KATNAL2: variants seen among roughly 807,000 people sequenced by gnomAD.
KATNAL2 encodes katanin p60 ATPase-containing subunit A-like 2.
In KATNAL2, 52 loss-of-function variants were observed where a neutral mutation model predicts 76.3. That is an observed-to-expected ratio of 0.68 (90% CI 0.55 to 0.86). KATNAL2 has a LOEUF of 0.86. Among genes scored for constraint, KATNAL2 ranks in the 40% least tolerant of loss-of-function variants. The pLI is 0.00. For synonymous variants in KATNAL2, 243 were observed against 244.2 expected (o/e 1.00, Z 0.05); for missense variants, 660 against 668.9 (o/e 0.99, Z 0.15).
At chr18:46,960,817 C>T (rs1024780838) in intron 3 of KATNAL2, among the ~76,000 whole-genome samples, 1 of 152,168 alleles carries the variant, frequency 6.6e-6, no homozygotes, top group Non-Finnish European at 1.5e-5. Flanking sequence ...TATGAAGAAA[C>T]TGATTTGCAA....
rs766530306 is a variant in KATNAL2 at position 47,058,341 on chromosome 18, C to A, written c.439C>A (p.His147Asn). ...GGACACCAAATCGCTCAATAAGGAG[C>A]ATCCTAATCAGGTCAGGATGGCTTG... The part of the protein sequence containing the change: ...TGDTKSLNKE[H>N]PNQEVVDNTR... The change falls in exon 7 of 18, where the codon CAT becomes AAT. Residue 147 changes from histidine to asparagine, a missense_variant. Transcript: ENST00000683218. The A allele has an allele frequency of 1.9e-6, 3 of 1,607,346 alleles. No individual in the cohort carries two copies. Among genetic ancestry groups the A allele is most frequent in the South Asian group, 2.2e-5 (2 of 90,924 alleles).
chr18:47,094,233 C>G (rs886862442), intron 15 of KATNAL2, among the ~76,000 whole-genome samples: 2 of 152,154 alleles, frequency 1.3e-5, no homozygotes, highest in Non-Finnish European at 2.9e-5. Flanking sequence ...AGACACCAAA[C>G]CTGCTGGTGC....
At chr18:47,031,429 G>A (rs1206239869) in intron 3 of KATNAL2, among the ~76,000 whole-genome samples, 1 of 151,588 alleles carries the variant, frequency 6.6e-6, no homozygotes, top group East Asian at 1.9e-4. Context: ...CTTTCTTTTT[G>A]TGTGTGTTGT....
intron 8 of KATNAL2, among the ~76,000 whole-genome samples, chr18:47,062,148 G>A (rs1339706450): frequency 1.3e-5 from 2 of 152,220 alleles, no homozygotes; most frequent in Non-Finnish European, 2.9e-5. Flanking sequence ...GGGAGGCTAA[G>A]GTGGGAGTAT....
chr18:46,961,000 G>A (rs1159159156), intron 3 of KATNAL2, among the ~76,000 whole-genome samples: 5 of 152,152 alleles, frequency 3.3e-5, no homozygotes, highest in African/African-American at 9.7e-5. Flanking sequence ...AGGGGACCAC[G>A]TTAAAGGGTC....
chr18:47,045,496 T>C (rs1269429225), intron 3 of KATNAL2, among the ~76,000 whole-genome samples: 1 of 152,032 alleles, frequency 6.6e-6, no homozygotes, highest in African/African-American at 2.4e-5. Flanking sequence ...CTAATTTTTG[T>C]AGTTTTTGTA....
intron 14 of KATNAL2, chr18:47,076,483 T>C (rs2062229097): frequency 6.6e-6 from 1 of 152,102 alleles, no homozygotes; most frequent in Non-Finnish European, 1.5e-5. Flanking sequence ...CCCTATGCAC[T>C]TGTTGTTACG....
intron 15 of KATNAL2, among the ~76,000 whole-genome samples, chr18:47,087,133 C>A (rs1378564255): frequency 6.6e-6 from 1 of 152,146 alleles, no homozygotes; most frequent in African/African-American, 2.4e-5. Flanking sequence ...TCTTTTGCTT[C>A]CATATCCTTC....
Position 47,064,005 on chromosome 18 carries a change from A to G in KATNAL2, c.726+644A>G, listed in dbSNP as rs369320596. On this transcript the variant is annotated intron_variant, in intron 10 of 17. Transcript: ENST00000683218. ...TCTATTGCTTCATATTTAATTGAAG[A>G]CTGAAACCTAGGCAGGCTCAGAGGG... Among the ~76,000 whole-genome samples, 23 of 152,264 alleles carry G rather than the reference A, an allele frequency of 1.5e-4. No individual in the cohort carries two copies. In the South Asian group the frequency reaches 3.7e-3, roughly 25 times the overall value.
chr18:46,957,545 C>G (rs1307684735), intron 3 of KATNAL2, among the ~76,000 whole-genome samples: 2 of 141,360 alleles, frequency 1.4e-5, no homozygotes, highest in African/African-American at 5.2e-5. Context: ...TGAACCACCG[C>G]GCCTGGCCTT....
chr18:47,034,313 G>A (rs1355095391), intron 3 of KATNAL2: 1 of 1,613,012 alleles, frequency 6.2e-7, no homozygotes, highest in Non-Finnish European at 8.5e-7. Context: ...TCTAGACTGG[G>A]CCTCTTCTTG....
At chr18:47,031,619 A>G (rs1387371935) in intron 3 of KATNAL2, among the ~76,000 whole-genome samples, 1 of 152,076 alleles carries the variant, frequency 6.6e-6, no homozygotes, top group African/African-American at 2.4e-5. Context: ...TCGTAGTGTA[A>G]TACTGGCAAT....
chr18:46,929,698 T>A lies in KATNAL2; in HGVS notation c.-510+11772T>A, dbSNP rs527778473. 2.0e-5 allele frequency among the ~76,000 whole-genome samples: 3 copies of A among 152,344 alleles called. 1 individual carries two copies. Among genetic ancestry groups the A allele is most frequent in the African/African-American group, 7.2e-5 (3 of 41,582 alleles). On this transcript the variant is annotated intron_variant, in intron 1 of 17. Transcript: ENST00000683218. The stretch of plus-strand genomic sequence containing the variant: ...TCTTATACGGGGCATTTTATAGATA[T>A]CTTATTTTATTTCTCTAAAATAAAT...
intron 16 of KATNAL2, 109 bp downstream of exon 16, chr18:47,099,514 G>A (rs2063383504): frequency 2.9e-6 from 3 of 1,046,630 alleles, no homozygotes; most frequent in Non-Finnish European, 4.0e-6. Flanking sequence ...CTTAGAATAA[G>A]ATCCAAGCTG....
At chr18:47,048,349 A>G (rs2061229117) in intron 4 of KATNAL2, among the ~76,000 whole-genome samples, 1 of 152,190 alleles carries the variant, frequency 6.6e-6, no homozygotes, top group African/African-American at 2.4e-5. Context: ...GTACAAAGGA[A>G]AAAGGTGAGG....
intron 3 of KATNAL2, among the ~76,000 whole-genome samples, chr18:46,954,008 C>T (rs138685491): frequency 3.7e-4 from 56 of 152,106 alleles, no homozygotes; most frequent in African/African-American, 1.3e-3. Context: ...CAGAGGAAGA[C>T]TTTGTGGGGG....
chr18:46,929,534 C>G (rs1027022598), intron 1 of KATNAL2, among the ~76,000 whole-genome samples: 2 of 152,098 alleles, frequency 1.3e-5, no homozygotes, highest in Non-Finnish European at 2.9e-5. Context: ...TGGGCTATCA[C>G]GCTTGGCCAC....
chr18:47,064,280 G>A lies in KATNAL2; in HGVS notation c.726+919G>A, dbSNP rs1397916870. On this transcript the variant is annotated intron_variant, in intron 10 of 17. Transcript: ENST00000683218. Reference sequence around the variant, plus strand: ...GGGGAAAGTGTTAGGAAAGAAGACAGGAAATCGCTAAGGGAAAAAGTGGAA... The same window carrying A: ...GGGGAAAGTGTTAGGAAAGAAGACAAGAAATCGCTAAGGGAAAAAGTGGAA... Among the ~76,000 whole-genome samples, 9 of 152,222 alleles carry A rather than the reference G, an allele frequency of 5.9e-5. No individual in the cohort carries two copies. The East Asian group carries it at 1.7e-3, about 29-fold the overall frequency.
chr18:46,937,831 C>T (rs751086939), intron 1 of KATNAL2, among the ~76,000 whole-genome samples: 20 of 152,156 alleles, frequency 1.3e-4, no homozygotes, highest in Non-Finnish European at 1.9e-4. Flanking sequence ...GGGCCAGGCT[C>T]GGTGACTTGC....
Sources: gnomAD v4.1 joint callset for allele counts (sites outside exome capture counted in the v4.1 genomes callset) on GRCh38, gnomAD v4.1.1 for gene constraint, MANE v1.5 for transcripts, NCBI Gene and HGNC (gene_info 2026-07-23, HGNC 2026-07-21) for gene names.